The following HIF3A variants were observed in gnomAD, a reference collection of about 807,000 sequenced individuals.
HIF3A encodes the protein hypoxia-inducible factor 3-alpha.
In HIF3A, 41 loss-of-function variants were observed where a neutral mutation model predicts 67.2. The observed-to-expected ratio is 0.61, with a 90% CI of 0.48 to 0.79. The LOEUF (loss-of-function observed/expected upper bound fraction) is 0.79, where lower values mean the gene tolerates loss of function less well. Among genes scored for constraint, HIF3A ranks in the 30% least tolerant of loss-of-function variants. The pLI is 0.00. For synonymous variants in HIF3A, 356 were observed against 374.8 expected (o/e 0.95, Z 0.58); for missense variants, 855 against 898.0 (o/e 0.95, Z 0.61).
Position 46,340,944 on chromosome 19 carries a change from C to T in HIF3A, c.*1322C>T, listed in dbSNP as rs1197210471. The T allele has an allele frequency of 1.3e-5, 2 of 152,264 alleles. No individual in the cohort carries two copies. The highest frequency in any genetic ancestry group is 6.5e-5 in the Admixed American group (1 of 15,276). 9.4% of individuals were successfully genotyped at this position (152,264 alleles called of 1,614,324 possible). On this transcript the variant is annotated 3_prime_UTR_variant, in exon 15 of 15. Coordinates refer to ENST00000377670, the MANE Select transcript of HIF3A (RefSeq NM_152795.4). ...TGTCTGGTTCTGGGCCTCTAACTCCCTCTGGCTCTATAGTCTATGACTACC... is the reference window on the plus strand; with the variant it reads ...TGTCTGGTTCTGGGCCTCTAACTCCTTCTGGCTCTATAGTCTATGACTACC...
At chr19:46,314,338 A>G (rs1281096254) in intron 8 of HIF3A, among the ~76,000 whole-genome samples, 2 of 144,310 alleles carry the variant, frequency 1.4e-5, no homozygotes, top group African/African-American at 5.0e-5. Context: ...AGTGGTTAAG[A>G]CTCAACCGCA....
chr19:46,310,427 G>A, intron 6 of HIF3A: 1 of 278,830 alleles, frequency 3.6e-6, no homozygotes, highest in Non-Finnish European at 7.2e-6. Context: ...AAAATAAACT[G>A]TTATTATTTG....
chr19:46,336,240 C>A (rs1300462635), intron 14 of HIF3A, among the ~76,000 whole-genome samples: 1 of 151,282 alleles, frequency 6.6e-6, no homozygotes, highest in African/African-American at 2.4e-5. Flanking sequence ...CTACAGGCGC[C>A]CGCCACCTCG....
chr19:46,302,785 G>T (rs1395733240), intron 1 of HIF3A, among the ~76,000 whole-genome samples: 2 of 152,092 alleles, frequency 1.3e-5, no homozygotes, highest in African/African-American at 4.8e-5. Context: ...GAGGCTGGAG[G>T]ATGGCTTTAG....
At chr19:46,312,026 C>A in intron 6 of HIF3A, 135 bp from the exon 7 acceptor site, 2 of 786,914 alleles carry the variant, frequency 2.5e-6, no homozygotes, top group Non-Finnish European at 2.3e-6. Flanking sequence ...GTTTCTTACT[C>A]CTTTTCTCTC....
At chr19:46,308,796 G>A (rs1361415461) in intron 5 of HIF3A, 21 bp downstream of exon 5, 1 of 1,487,872 alleles carries the variant, frequency 6.7e-7, no homozygotes, top group African/African-American at 1.4e-5. Flanking sequence ...CCGGGCCAGA[G>A]GAGGGCGGGG....
At chr19:46,335,021 C>T (rs940927619) in intron 14 of HIF3A, 35 bp downstream of exon 14, 2 of 1,551,130 alleles carry the variant, frequency 1.3e-6, no homozygotes, top group South Asian at 1.2e-5. Flanking sequence ...AGCCCCAGAG[C>T]ACCTTCTCCC....
intron 4 of HIF3A, 155 bp downstream of exon 4, chr19:46,308,460 C>T (rs148771857): frequency 2.2e-5 from 14 of 649,682 alleles, no homozygotes; most frequent in Middle Eastern, 4.3e-4. Flanking sequence ...GGGACAAAGA[C>T]CCTGCCCTGG....
At chr19:46,336,156 C>A (rs1363674306) in intron 14 of HIF3A, among the ~76,000 whole-genome samples, 2 of 128,040 alleles carry the variant, frequency 1.6e-5, no homozygotes, top group African/African-American at 6.1e-5. Context: ...TGCAGCCGTG[C>A]GATCTTGGCT....
chr19:46,304,503 T>C (rs2147125458), intron 2 of HIF3A, among the ~76,000 whole-genome samples: 1 of 152,270 alleles, frequency 6.6e-6, no homozygotes, highest in African/African-American at 2.4e-5. Context: ...TTACTGTATC[T>C]GAGAGTCCCT....
Position 46,297,107 on chromosome 19 carries a change from T to C in HIF3A, c.26+5T>C, listed in dbSNP as rs1484924079. On this transcript the variant is annotated splice_donor_5th_base_variant and intron_variant, in intron 1 of 14. Coordinates refer to ENST00000377670, the MANE Select transcript of HIF3A (RefSeq NM_152795.4). The surrounding 1 kb of genome is among the most constrained non-coding windows in gnomAD (Gnocchi z 4.5). The stretch of plus-strand genomic sequence containing the variant: ...GCTGGGGCTGCAGCGCGCAAGGTAC[T>C]GAAGTTCGGGGGCAGGAGTTCTGGG... 8.1e-7 allele frequency: 1 copy of C among 1,239,864 alleles called. No homozygotes were observed. Among genetic ancestry groups the C allele is most frequent in the Non-Finnish European group, 1.0e-6 (1 of 978,596 alleles). 76.8% of individuals were successfully genotyped at this position (1,239,864 alleles called of 1,614,324 possible). A position where few individuals can be genotyped will look rare whatever the true frequency, so the allele number is the denominator to read the frequency against.
Position 46,312,536 on chromosome 19 carries a change from A to C in HIF3A, c.908A>C (p.Gln303Pro). Residue 303 changes from glutamine to proline, a missense_variant, in exon 8 of 15, where the codon CAG becomes CCG. By Grantham distance (76) the Gln-to-Pro change is moderately conservative (BLOSUM62 -1). Transcript: ENST00000377670. ...LLSKGQAVTGQYRFLARSGGY... is the reference protein window; with the variant it reads ...LLSKGQAVTGPYRFLARSGGY... Reference sequence around the variant, plus strand: ...AGCAAGGGCCAGGCAGTAACAGGGCAGTATCGCTTCCTGGCCCGGAGTGGT... The same window carrying C: ...AGCAAGGGCCAGGCAGTAACAGGGCCGTATCGCTTCCTGGCCCGGAGTGGT... The C allele has an allele frequency of 6.2e-7, 1 of 1,614,022 alleles. No homozygotes were observed. The highest frequency in any genetic ancestry group is 8.5e-7 in the Non-Finnish European group (1 of 1,179,998).
chr19:46,305,886 T>C (rs1968805100), intron 3 of HIF3A, among the ~76,000 whole-genome samples: 1 of 152,156 alleles, frequency 6.6e-6, no homozygotes, highest in Admixed American at 6.5e-5. Flanking sequence ...GTGTTTCACC[T>C]GGGCAACACG....
chr19:46,331,494 C>A, intron 13 of HIF3A: 1 of 144,374 alleles, frequency 6.9e-6, no homozygotes, highest in Non-Finnish European at 1.3e-5. Context: ...CCAGCATGAG[C>A]GACAGAATGG....
intron 10 of HIF3A, 27 bp from the exon 11 acceptor site, chr19:46,325,508 T>G: frequency 6.5e-7 from 1 of 1,543,382 alleles, no homozygotes; most frequent in East Asian, 2.2e-5. Flanking sequence ...CAAGATTTCC[T>G]GAAGTTTCTA....
Position 46,308,295 on chromosome 19 carries a change from C to T in HIF3A, c.438C>T (p.Thr146=), listed in dbSNP as rs772854575. The T allele has an allele frequency of 4.3e-6, 7 of 1,609,886 alleles. No individual in the cohort carries two copies. The South Asian group carries it at 4.4e-5, about 10-fold the overall frequency. ...AAGAGGAGCTTCAGGACGCCCTGAC[C>T]CCCCAGCAGAGTGAGTTCCCTGGAG... The part of the protein sequence containing the change: ...CDQEELQDAL[T]PQQTLSRRKV... Residue 146 remains threonine (T), a synonymous_variant, in exon 4 of 15, where the codon ACC becomes ACT. Transcript: ENST00000377670.
intron 8 of HIF3A, among the ~76,000 whole-genome samples, chr19:46,314,846 AC>A (rs1969789219): frequency 6.8e-6 from 1 of 146,590 alleles, no homozygotes; most frequent in Non-Finnish European, 1.5e-5. Flanking sequence ...GGCATGAGCC[AC>A]CACACCCGGC....
At chr19:46,338,027 G>T (rs146055207) in intron 14 of HIF3A, among the ~76,000 whole-genome samples, 3 of 152,164 alleles carry the variant, frequency 2.0e-5, no homozygotes, top group Non-Finnish European at 4.4e-5. Flanking sequence ...TAAGATTCAC[G>T]CACTCGCACT....
Position 46,308,212 on chromosome 19 carries a change from C to T in HIF3A, c.364-9C>T. On this transcript the variant is annotated splice_polypyrimidine_tract_variant and intron_variant, in intron 3 of 14. Coordinates refer to ENST00000377670, the MANE Select transcript of HIF3A (RefSeq NM_152795.4). ...CCTGGTAGACCCCCACCCCTCTCAT[C>T]CCTGGCAGCTGGAGCTCATTGGACA... The T allele has an allele frequency of 1.9e-6, 3 of 1,609,294 alleles. No homozygotes were observed. Among genetic ancestry groups the T allele is most frequent in the Non-Finnish European group, 2.6e-6 (3 of 1,175,668 alleles).
Sources: gnomAD v4.1 joint callset for allele counts (sites outside exome capture counted in the v4.1 genomes callset) on GRCh38, gnomAD v4.1.1 for gene constraint, Gnocchi (gnomAD v3.1) non-coding constraint, MANE v1.5 for transcripts, NCBI Gene and HGNC (gene_info 2026-07-23, HGNC 2026-07-21) for gene names.